The following MAPK6 variants were observed in gnomAD, a reference collection of about 807,000 sequenced individuals.
MAPK6 encodes mitogen-activated protein kinase 6, also known as ERK-3.
A neutral mutation model predicts 59.3 loss-of-function variants in MAPK6; 19 were observed. The ratio of observed to expected loss-of-function variants is 0.32; its 90% confidence interval spans 0.22 to 0.47. MAPK6 has a LOEUF of 0.47. Among genes scored for constraint, MAPK6 ranks in the 20% least tolerant of loss-of-function variants. The probability of loss-of-function intolerance (pLI) is 1.00; values close to 1 mark genes in which losing one functional copy is unlikely to be tolerated. For synonymous variants in MAPK6, 316 were observed against 290.3 expected, an observed-to-expected ratio of 1.09 and a Z score of -0.90; for missense variants, 724 against 847.9, an observed-to-expected ratio of 0.85 and a Z score of 1.81.
chr15:52,061,664 C>A (rs2032206132), intron 5 of MAPK6, among the ~76,000 whole-genome samples, 164 bp downstream of exon 5: 1 of 152,038 alleles, frequency 6.6e-6, no homozygotes, highest in African/African-American at 2.4e-5. Context: ...GCCTGTAGTC[C>A]TAGCTACTTG....
chr15:52,063,725 A>T (rs1258130726), intron 5 of MAPK6, among the ~76,000 whole-genome samples, 177 bp from the exon 6 acceptor site: 1 of 152,214 alleles, frequency 6.6e-6, no homozygotes, highest in Non-Finnish European at 1.5e-5. Flanking sequence ...ATTACCAAAT[A>T]TATTAACAGA....
At chr15:52,010,219 TG>T (rs2030014407) in intron 3 of MAPK6, among the ~76,000 whole-genome samples, 2 of 152,246 alleles carry the variant, frequency 1.3e-5, no homozygotes, top group Admixed American at 1.3e-4. Flanking sequence ...AAGGATAAGT[TG>T]TTTTTTTGTT....
chr15:51,995,980 C>G (rs573874210), intron 2 of MAPK6, among the ~76,000 whole-genome samples: 1 of 152,080 alleles, frequency 6.6e-6, no homozygotes, highest in Non-Finnish European at 1.5e-5. Context: ...TACAGGCTTT[C>G]TAAATTCCTC....
intron 1 of MAPK6, among the ~76,000 whole-genome samples, chr15:52,022,300 AC>A (rs1422161239): frequency 1.3e-5 from 2 of 152,174 alleles, no homozygotes; most frequent in East Asian, 3.8e-4. Context: ...TTGCTCTGTC[AC>A]CCTGGCTGGA....
chr15:52,014,183 G>A (rs1166091738), intron 3 of MAPK6, among the ~76,000 whole-genome samples: 1 of 151,362 alleles, frequency 6.6e-6, no homozygotes, highest in Non-Finnish European at 1.5e-5. Flanking sequence ...TCCAACAACC[G>A]CAAATAATTT....
At chr15:52,036,210 A>G (rs2031237841) in intron 1 of MAPK6, among the ~76,000 whole-genome samples, 1 of 152,158 alleles carries the variant, frequency 6.6e-6, no homozygotes, top group South Asian at 2.1e-4. Context: ...TGTTTTCCTG[A>G]TGAGGAACTG....
At chr15:51,992,394 C>T (rs1035540636) in intron 2 of MAPK6, among the ~76,000 whole-genome samples, 3 of 151,522 alleles carry the variant, frequency 2.0e-5, no homozygotes, top group Admixed American at 1.3e-4. Context: ...CTCTGCCTCC[C>T]AGGTTCACAC....
chr15:52,046,508 G>A lies in MAPK6; in HGVS notation c.48G>A (p.Leu16=). Residue 16 remains leucine (L), a synonymous_variant, in exon 2 of 6, where the codon CTG becomes CTA. Coordinates refer to ENST00000261845, the MANE Select transcript of MAPK6 (RefSeq NM_002748.4). Reference sequence around the variant, plus strand: ...TCATGAACATTCATGGTTTTGATCTGGGTTCTAGGTATATGGACTTAAAAC... The same window carrying A: ...TCATGAACATTCATGGTTTTGATCTAGGTTCTAGGTATATGGACTTAAAAC... ...ESLMNIHGFD[L]GSRYMDLKPL... 6.2e-7 allele frequency: 1 copy of A among 1,613,332 alleles called. No homozygotes were observed. Among genetic ancestry groups the A allele is most frequent in the Non-Finnish European group, 8.5e-7 (1 of 1,179,708 alleles).
intron 1 of MAPK6, chr15:52,033,789 TTTTTA>T (rs1167462933): frequency 1.3e-5 from 2 of 152,110 alleles, no homozygotes; most frequent in Admixed American, 6.5e-5. Context: ...TAGGCTTTGT[TTTTTA>T]TTTTATTTTT....
chr15:52,038,937 T>A (rs930609826), intron 1 of MAPK6, among the ~76,000 whole-genome samples: 4 of 152,198 alleles, frequency 2.6e-5, no homozygotes, highest in Admixed American at 2.0e-4. Flanking sequence ...AGACTTAGAA[T>A]TGGAAGAGTC....
At chr15:52,000,975 T>A (rs8035945) in intron 2 of MAPK6, among the ~76,000 whole-genome samples, 16,849 of 152,064 alleles carry the variant, frequency 0.11, 1,461 homozygotes, top group East Asian at 0.43. Context: ...GTTTTGGCAC[T>A]CTTGTTGAAA....
chr15:52,016,070 G>GCGCGCGCGCGCGCACA, upstream of MAPK6, among the ~76,000 whole-genome samples: 31 of 55,390 alleles, frequency 5.6e-4, 1 homozygote, highest in Non-Finnish European at 8.5e-4. Context: ...GCGCGCGCGC[G>GCGCGCGCGCGCGCACA]CACACACACA....
intron 1 of MAPK6, among the ~76,000 whole-genome samples, chr15:52,031,431 A>T (rs2031030331): frequency 6.6e-6 from 1 of 152,202 alleles, no homozygotes; most frequent in African/African-American, 2.4e-5. Flanking sequence ...TAAAATAAAG[A>T]TTATATTTTG....
At chr15:51,984,054 GA>G (rs913417173) in intron 2 of MAPK6, among the ~76,000 whole-genome samples, 8 of 150,316 alleles carry the variant, frequency 5.3e-5, no homozygotes, top group African/African-American at 1.7e-4. Flanking sequence ...GCAAATAGAT[GA>G]AAAAAAATCA....
chr15:52,063,709 T>A (rs116626530), intron 5 of MAPK6, among the ~76,000 whole-genome samples, 193 bp from the exon 6 acceptor site: 265 of 152,312 alleles, frequency 1.7e-3, no homozygotes, highest in Non-Finnish European at 3.4e-3. Context: ...ACATACTGCA[T>A]TGGCAATTAC....
chr15:52,057,656 T>TCCTCCA (rs2032034968), intron 3 of MAPK6, among the ~76,000 whole-genome samples: 1 of 152,184 alleles, frequency 6.6e-6, no homozygotes, highest in Non-Finnish European at 1.5e-5. Flanking sequence ...GCAATTCTTG[T>TCCTCCA]GCTTCAGCCT....
In MAPK6 at chr15:52,046,578, A is replaced by G. The variant is rs1845193334; in HGVS notation, c.118A>G (p.Asn40Asp). 1 of 1,614,180 alleles carries G rather than the reference A, an allele frequency of 6.2e-7. No homozygotes were observed. The highest frequency in any genetic ancestry group is 2.2e-5 in the East Asian group (1 of 44,888). The change falls in exon 2 of 6, where the codon AAT (asparagine) becomes GAT (aspartate). Residue 40 changes from asparagine to aspartate, a missense_variant. Around this residue, in one of 4 missense-constraint regions of MAPK6, gnomAD observed 30 missense variants for 55.3 expected, o/e 0.54. Transcript: ENST00000261845. ...TGGCTTGGTTTTTTCTGCTGTAGACAATGACTGTGACAAAAGAGTAGCCAT... is the reference window on the plus strand; with the variant it reads ...TGGCTTGGTTTTTTCTGCTGTAGACGATGACTGTGACAAAAGAGTAGCCAT... ...GNGLVFSAVDNDCDKRVAIKK... is the reference protein window; with the variant it reads ...GNGLVFSAVDDDCDKRVAIKK...
chr15:51,985,727 G>C (rs2057188981), intron 2 of MAPK6, among the ~76,000 whole-genome samples: 1 of 152,130 alleles, frequency 6.6e-6, no homozygotes, highest in Admixed American at 6.6e-5. Flanking sequence ...GGGAGGCCGA[G>C]GCGGGCAGAT....
chr15:52,050,380 ATACT>A (rs2031738771), intron 3 of MAPK6, among the ~76,000 whole-genome samples: 1 of 152,224 alleles, frequency 6.6e-6, no homozygotes, highest in African/African-American at 2.4e-5. Context: ...TGGACCCATA[ATACT>A]TGTTGGTAAT....
Sources: gnomAD v4.1 joint callset for allele counts (sites outside exome capture counted in the v4.1 genomes callset) on GRCh38, gnomAD v4.1.1 for gene constraint, gnomAD v4.1.1 regional missense constraint, MANE v1.5 for transcripts, NCBI Gene and HGNC (gene_info 2026-07-23, HGNC 2026-07-21) for gene names.